The following DGCR2 variants were observed in gnomAD, a reference collection of about 807,000 sequenced individuals.
DGCR2 encodes the protein integral membrane protein DGCR2/IDD.
In DGCR2, 24 loss-of-function variants were observed where a neutral mutation model predicts 51.6. The ratio of observed to expected loss-of-function variants is 0.47; its 90% CI spans 0.34 to 0.65. The LOEUF (loss-of-function observed/expected upper bound fraction) is 0.65. Ranked by LOEUF, DGCR2 falls within the 30% of genes least tolerant of loss-of-function variation. DGCR2 has a pLI of 0.01. For synonymous variants in DGCR2, 340 were observed against 315.4 expected, an observed-to-expected ratio of 1.08 and a Z score of -0.82; for missense variants, 765 against 772.1, an observed-to-expected ratio of 0.99 and a Z score of 0.11.
At chr22:19,109,828 A>G (rs896316766) in intron 1 of DGCR2, among the ~76,000 whole-genome samples, 1 of 152,254 alleles carries the variant, frequency 6.6e-6, no homozygotes, top group Non-Finnish European at 1.5e-5. Context: ...TAACCCTGAA[A>G]AGCACATATA....
intron 1 of DGCR2, among the ~76,000 whole-genome samples, chr22:19,101,212 T>C (rs1003297858): frequency 1.3e-5 from 2 of 152,134 alleles, no homozygotes; most frequent in Non-Finnish European, 2.9e-5. Context: ...ATTCCACTCA[T>C]AGGCATGTAC....
chr22:19,098,381 C>T (rs921305677), intron 1 of DGCR2, among the ~76,000 whole-genome samples: 3 of 152,202 alleles, frequency 2.0e-5, no homozygotes, highest in Non-Finnish European at 4.4e-5. Flanking sequence ...TTCCAGGTGG[C>T]CAGCTTCACA....
chr22:19,044,528 CCAGCCAAA>C (rs1446605614), intron 7 of DGCR2, among the ~76,000 whole-genome samples: 1 of 152,120 alleles, frequency 6.6e-6, no homozygotes, highest in Non-Finnish European at 1.5e-5. Context: ...GGCAGCTGCA[CCAGCCAAA>C]CACCTCACCA....
rs1302394847 is a variant in DGCR2, at chr22:19,038,947, G to A, written c.1571C>T (p.Ala524Val). The A allele has an allele frequency of 1.9e-5, 31 of 1,612,342 alleles. No individual in the cohort carries two copies. The highest frequency in any genetic ancestry group is 2.5e-5 in the Non-Finnish European group (30 of 1,179,732). Residue 524 changes from alanine to valine, a missense_variant, in exon 10 of 10, where the codon GCC (alanine) becomes GTC (valine). Coordinates refer to ENST00000263196, the MANE Select transcript of DGCR2 (RefSeq NM_005137.3). ...SSALLVPPDP[A>V]QSGSTPAAEA... ...TGCAGCTGGGGTGCTCCCGCTCTGG[G>A]CAGGGTCAGGGGGCACGAGCAGGGC...
intron 2 of DGCR2, among the ~76,000 whole-genome samples, chr22:19,087,974 G>A (rs181362036): frequency 8.2e-4 from 125 of 152,216 alleles, no homozygotes; most frequent in Non-Finnish European, 1.5e-3. Context: ...GTGAGCCTTC[G>A]CACCCTGCCT....
intron 2 of DGCR2, among the ~76,000 whole-genome samples, chr22:19,071,926 G>C (rs948596583): frequency 6.6e-6 from 1 of 152,140 alleles, no homozygotes; most frequent in African/African-American, 2.4e-5. Flanking sequence ...AGGTGAACCC[G>C]GGTAAAGGTG....
chr22:19,096,894 C>CA (rs35065228), intron 1 of DGCR2, among the ~76,000 whole-genome samples: 5,383 of 138,078 alleles, frequency 0.039, 224 homozygotes, highest in African/African-American at 0.11. Context: ...AAAAAAAAAA[C>CA]AAAAAAAAAA....
At position 19,057,885 on chromosome 22, in the gene DGCR2, G is replaced by T. The variant is rs887661457; in HGVS notation, c.626-723C>A. 2.0e-5 allele frequency among the ~76,000 whole-genome samples: 3 copies of T among 152,076 alleles called. No homozygotes were observed. Among genetic ancestry groups the T allele is most frequent in the Non-Finnish European group, 4.4e-5 (3 of 67,994 alleles). ...CCAGGTGGGCTCTGGCCATGCCCAG[G>T]GCATGGCACAGCCAGCCCTAGGCCC... On this transcript the variant is annotated intron_variant, in intron 5 of 9. Transcript: ENST00000263196. This position sits in a 1 kb window ranked among gnomAD's most constrained non-coding sequence, Gnocchi z 5.1.
chr22:19,051,177 A>T (rs1273919163), intron 6 of DGCR2, among the ~76,000 whole-genome samples: 1 of 146,180 alleles, frequency 6.8e-6, no homozygotes, highest in Admixed American at 6.9e-5. Flanking sequence ...CAACAGAGTG[A>T]AATTCTGTCA....
At chr22:19,112,228 G>A (rs1442879390) in intron 1 of DGCR2, among the ~76,000 whole-genome samples, 2 of 147,336 alleles carry the variant, frequency 1.4e-5, no homozygotes, top group East Asian at 2.0e-4. Context: ...AGCCGAGGTC[G>A]CACCACTGCA....
chr22:19,103,321 C>T (rs575491949), intron 1 of DGCR2, among the ~76,000 whole-genome samples: 1 of 147,724 alleles, frequency 6.8e-6, no homozygotes, highest in East Asian at 2.0e-4. Context: ...GGTAGTGGTG[C>T]TGGCTGCACA....
chr22:19,068,035 A>G, intron 3 of DGCR2, 65 bp downstream of exon 3: 1 of 1,479,318 alleles, frequency 6.8e-7, no homozygotes, highest in Non-Finnish European at 8.9e-7. Flanking sequence ...GTAGTGCTGG[A>G]AAGGCAGGGG....
At chr22:19,054,647 C>T (rs1157282487) in intron 6 of DGCR2, among the ~76,000 whole-genome samples, 1 of 151,942 alleles carries the variant, frequency 6.6e-6, no homozygotes, top group Non-Finnish European at 1.5e-5. Context: ...AGGAGGCTCA[C>T]TTGAGCCTAG....
chr22:19,104,336 C>G (rs940202922), intron 1 of DGCR2, among the ~76,000 whole-genome samples: 1 of 152,044 alleles, frequency 6.6e-6, no homozygotes. Context: ...CAAATTCTTT[C>G]TCTAGATTCA....
At chr22:19,063,873 C>A (rs957589997) in intron 4 of DGCR2, among the ~76,000 whole-genome samples, 1 of 152,184 alleles carries the variant, frequency 6.6e-6, no homozygotes, top group Non-Finnish European at 1.5e-5. Context: ...AACCATAGGA[C>A]AGGGCACTCC....
intron 2 of DGCR2, among the ~76,000 whole-genome samples, chr22:19,080,096 A>C (rs1025745134): frequency 1.3e-5 from 2 of 152,178 alleles, no homozygotes; most frequent in Non-Finnish European, 2.9e-5. Context: ...AGACTCCTCC[A>C]ATCTCCTGTC....
Position 19,112,240 on chromosome 22 carries a change from T to C in DGCR2, c.79+9888A>G, listed in dbSNP as rs1181384853. Reference sequence around the variant, plus strand: ...GTGAGCCGAGGTCGCACCACTGCACTCCAGCCTAGGTGACACAGCAAGACT... The same window carrying C: ...GTGAGCCGAGGTCGCACCACTGCACCCCAGCCTAGGTGACACAGCAAGACT... On this transcript the variant is annotated intron_variant, in intron 1 of 9. Coordinates refer to ENST00000263196, the MANE Select transcript of DGCR2 (RefSeq NM_005137.3). 3.5e-5 allele frequency among the ~76,000 whole-genome samples: 5 copies of C among 142,668 alleles called. No individual in the cohort carries two copies. The East Asian group carries it at 1.0e-3, about 30-fold the overall frequency. The allele number at this position is 142,668 out of a possible 152,430, so 93.6% of individuals were successfully genotyped here. A position where few individuals can be genotyped will look rare whatever the true frequency, so the allele number is the denominator to read the frequency against.
rs139943214 is a variant in DGCR2 at position 19,041,067 on chromosome 22, C to T, written c.1387G>A (p.Asp463Asn). The T allele has an allele frequency of 6.2e-7, 1 of 1,601,960 alleles. No individual in the cohort carries two copies. The highest frequency in any genetic ancestry group is 1.7e-5 in the Admixed American group (1 of 59,524). ...CTGGGGAGTCAGGCACCTGCAGGGT[C>T]ATAGAACACACTGTCCGGGTGGATG... is the stretch of plus-strand genomic sequence containing the variant. The part of the protein sequence containing the change: ...ASIHPDSVFY[D>N]PADDDAFEPV... Residue 463 changes from aspartate to asparagine, a missense_variant, in exon 9 of 10, where the codon GAC (aspartate) becomes AAC (asparagine). Physicochemically the swap from Asp to Asn is conservative, Grantham distance 23 (BLOSUM62 1). Around this residue, in one of 3 missense-constraint regions of DGCR2, gnomAD observed 205 missense variants for 181.4 expected, o/e 1.13. Transcript: ENST00000263196.
At chr22:19,052,143 G>A (rs76133212) in intron 6 of DGCR2, among the ~76,000 whole-genome samples, 2,498 of 152,268 alleles carry the variant, frequency 0.016, 88 homozygotes, top group East Asian at 0.062. Flanking sequence ...GCAGCCAGGC[G>A]TGGTGGCTCA....
Sources: allele counts gnomAD v4.1 joint callset (sites outside exome capture counted in the v4.1 genomes callset), GRCh38; gene constraint gnomAD v4.1.1; regional missense constraint gnomAD v4.1.1; non-coding constraint Gnocchi (gnomAD v3.1); transcripts MANE v1.5; gene names NCBI Gene and HGNC (gene_info 2026-07-23, HGNC 2026-07-21).